Variants in AFAP1 observed in about 807,000 individuals in gnomAD.
AFAP1 encodes the protein actin filament-associated protein 1.
Under a neutral mutation model 93.9 loss-of-function variants are expected in AFAP1, and 75 were observed. The ratio of observed to expected loss-of-function variants is 0.80; its 90% CI spans 0.66 to 0.97. AFAP1 has a LOEUF of 0.97. Among genes scored for constraint, AFAP1 ranks in the 50% least tolerant of loss-of-function variants. The pLI is 0.00. For missense variants in AFAP1, 1,201 were observed against 1,050.8 expected (o/e 1.14, Z -1.98); for synonymous variants, 517 against 430.7 (o/e 1.20, Z -2.48).
In AFAP1 at chr4:7,771,157, T is replaced by C. The variant is rs577080765; in HGVS notation, c.2253+1663A>G. Among the ~76,000 whole-genome samples the C allele has an allele frequency of 4.6e-5, 7 of 152,352 alleles. No individual in the cohort carries two copies. In the South Asian group the frequency reaches 1.4e-3, roughly 32 times the overall value. On this transcript the variant is annotated intron_variant, in intron 16 of 17. Coordinates refer to ENST00000420658, the MANE Select transcript of AFAP1 (RefSeq NM_001134647.2). ...CTCCCTCATGAGAAGATAAGCTCCA[T>C]GAAACAGGGATTCTCACCTATCTTG...
chr4:7,915,761 GCCCTGC>G (rs1720052838), intron 1 of AFAP1, among the ~76,000 whole-genome samples: 1 of 152,374 alleles, frequency 6.6e-6, no homozygotes, highest in Admixed American at 6.5e-5. Flanking sequence ...TCACAAAGCC[GCCCTGC>G]GGCAAGCCCC....
chr4:7,794,493 T>C (rs1051683511), intron 10 of AFAP1, among the ~76,000 whole-genome samples: 1 of 152,152 alleles, frequency 6.6e-6, no homozygotes, highest in Non-Finnish European at 1.5e-5. Flanking sequence ...TTTAAGATTA[T>C]GTTCGTTCAA....
chr4:7,833,506 G>C (rs888174756), intron 6 of AFAP1, among the ~76,000 whole-genome samples: 5 of 151,804 alleles, frequency 3.3e-5, no homozygotes, highest in Non-Finnish European at 7.4e-5. Flanking sequence ...TGTTGGTGTG[G>C]ATGCGGTGAA....
chr4:7,812,496 G>A (rs1387578800), intron 8 of AFAP1, among the ~76,000 whole-genome samples: 2 of 152,168 alleles, frequency 1.3e-5, no homozygotes, highest in Admixed American at 6.5e-5. Context: ...CCAAGTATAT[G>A]GGAACATGAG....
chr4:7,804,113 C>T (rs1719290542), intron 9 of AFAP1, among the ~76,000 whole-genome samples: 1 of 150,008 alleles, frequency 6.7e-6, no homozygotes, highest in Non-Finnish European at 1.5e-5. Flanking sequence ...CCCAATCTGA[C>T]ACCTCTAGCC....
intron 1 of AFAP1, among the ~76,000 whole-genome samples, chr4:7,874,903 A>T (rs1384628617): frequency 1.3e-5 from 2 of 152,118 alleles, no homozygotes; most frequent in East Asian, 3.8e-4. Context: ...TTAATGAATA[A>T]ATATCTTCAA....
At chr4:7,866,159 A>C (rs539408413) in intron 3 of AFAP1, among the ~76,000 whole-genome samples, 93 of 152,026 alleles carry the variant, frequency 6.1e-4, no homozygotes, top group African/African-American at 2.1e-3. Context: ...GGCCTCCCAA[A>C]GTGCTGGGAT....
intron 5 of AFAP1, chr4:7,842,726 C>A: frequency 6.2e-6 from 1 of 161,590 alleles, no homozygotes; most frequent in South Asian, 1.7e-4. Context: ...CCAAGCTTTC[C>A]AGAAGAATTT....
rs749698166 is a variant in AFAP1 at position 7,800,456 on chromosome 4, C to G, written c.1252G>C (p.Val418Leu). 1 of 1,614,174 alleles carries G rather than the reference C, an allele frequency of 6.2e-7. No homozygotes were observed. Among genetic ancestry groups the G allele is most frequent in the South Asian group, 1.1e-5 (1 of 91,078 alleles). Residue 418 changes from valine (V) to leucine (L), a missense_variant, in exon 10 of 18, where the codon GTT becomes CTT. Transcript: ENST00000420658. ...TFRLLRNGQEVAVLEASSSED... is the reference protein window; with the variant it reads ...TFRLLRNGQELAVLEASSSED... Reference sequence around the variant, plus strand: ...AAATATCCTACCTCCAATACTGCAACCTCCTGGCCGTTGCGCAGCAGCCGG... The same window carrying G: ...AAATATCCTACCTCCAATACTGCAAGCTCCTGGCCGTTGCGCAGCAGCCGG...
intron 2 of AFAP1, 130 bp from the exon 3 acceptor site, chr4:7,868,849 C>G (rs1017509781): frequency 2.6e-6 from 2 of 777,194 alleles, no homozygotes; most frequent in Non-Finnish European, 4.1e-6. Context: ...TCCTTTACAA[C>G]AGTCCTGCAA....
At chr4:7,822,845 G>A (rs754068459) in intron 6 of AFAP1, among the ~76,000 whole-genome samples, 4 of 149,530 alleles carry the variant, frequency 2.7e-5, no homozygotes, top group East Asian at 2.0e-4. Context: ...CGCCCGCATC[G>A]GCCTCCCAAA....
rs896364061 is a variant in AFAP1 at position 7,760,648 on chromosome 4, A to G, written c.*3117T>C. 1.3e-5 allele frequency: 2 copies of G among 152,222 alleles called. No homozygotes were observed. The highest frequency in any genetic ancestry group is 6.5e-5 in the Admixed American group (1 of 15,288). 9.4% of individuals were successfully genotyped at this position (152,222 alleles called of 1,614,324 possible). A position where few individuals can be genotyped will look rare whatever the true frequency, so the allele number is the denominator to read the frequency against. On this transcript the variant is annotated 3_prime_UTR_variant, in exon 18 of 18. Transcript: ENST00000420658. ...GCCCTCGAATCTGATAGTTGTTTCT[A>G]TGAAAAAGTTGGTCAGTGGCTTAAC...
At chr4:7,764,877 G>A (rs1025255232) in intron 17 of AFAP1, among the ~76,000 whole-genome samples, 38 of 152,328 alleles carry the variant, frequency 2.5e-4, no homozygotes, top group African/African-American at 8.7e-4. Flanking sequence ...TGAGTGAGGT[G>A]GGAGGATTGT....
chr4:7,890,056 A>G (rs1489901309), intron 1 of AFAP1, among the ~76,000 whole-genome samples: 1 of 151,868 alleles, frequency 6.6e-6, no homozygotes, highest in East Asian at 1.9e-4. Context: ...AAAAACAAAA[A>G]GAACAAAGAA....
At chr4:7,921,001 C>T (rs1296403329) in intron 1 of AFAP1, among the ~76,000 whole-genome samples, 1 of 150,592 alleles carries the variant, frequency 6.6e-6, no homozygotes, top group Non-Finnish European at 1.5e-5. Context: ...CCTATATATC[C>T]ATAAATAAAT....
chr4:7,785,799 G>A (rs1577204790), intron 12 of AFAP1, among the ~76,000 whole-genome samples: 1 of 152,104 alleles, frequency 6.6e-6, no homozygotes, highest in African/African-American at 2.4e-5. Flanking sequence ...TGAGTGGGAT[G>A]TGGTGGTGTG....
chr4:7,911,688 G>C (rs773219421), intron 1 of AFAP1, among the ~76,000 whole-genome samples: 6 of 152,180 alleles, frequency 3.9e-5, no homozygotes, highest in South Asian at 2.1e-4. Context: ...CAGGATATAA[G>C]GGCCTCTGAT....
intron 1 of AFAP1, among the ~76,000 whole-genome samples, chr4:7,886,608 T>C (rs1052241929): frequency 2.0e-5 from 3 of 152,202 alleles, no homozygotes; most frequent in African/African-American, 7.2e-5. Flanking sequence ...TTCGGGAAAT[T>C]AGCCTGACCC....
intron 1 of AFAP1, among the ~76,000 whole-genome samples, chr4:7,875,929 G>A (rs1468355607): frequency 1.3e-5 from 2 of 152,120 alleles, no homozygotes; most frequent in African/African-American, 2.4e-5. Flanking sequence ...TAGTGGTGGG[G>A]AGAATGTAGG....
Sources: allele counts gnomAD v4.1 joint callset (sites outside exome capture counted in the v4.1 genomes callset), GRCh38; gene constraint gnomAD v4.1.1; transcripts MANE v1.5; gene names NCBI Gene and HGNC (gene_info 2026-07-23, HGNC 2026-07-21).